Variants in TRIM36 observed in about 807,000 individuals in gnomAD.
The protein encoded by TRIM36 is E3 ubiquitin-protein ligase TRIM36.
TRIM36 carries 42 observed loss-of-function variants against 72.4 expected under a neutral mutation model. The observed-to-expected ratio is 0.58, with a 90% CI of 0.45 to 0.75. TRIM36 has a LOEUF of 0.75. Ranked by LOEUF, TRIM36 falls within the 30% of genes least tolerant of loss-of-function variation. The pLI is 0.00. For synonymous variants in TRIM36, 315 were observed against 282.8 expected (o/e 1.11, Z -1.14); for missense variants, 913 against 857.1 (o/e 1.07, Z -0.81).
At chr5:115,143,048 A>C (rs1490787403) in intron 4 of TRIM36, among the ~76,000 whole-genome samples, 5 of 152,064 alleles carry the variant, frequency 3.3e-5, no homozygotes, top group African/African-American at 4.8e-5. Flanking sequence ...TGTTGTAAAG[A>C]GAAAGAACTC....
upstream of TRIM36, among the ~76,000 whole-genome samples, chr5:115,170,269 T>C (rs919007636): frequency 6.6e-6 from 1 of 152,134 alleles, no homozygotes; most frequent in Non-Finnish European, 1.5e-5. Flanking sequence ...GAGGCTCCGC[T>C]GCAGCAGAGC....
Position 115,155,333 on chromosome 5 carries a change from G to C in TRIM36, c.263-7939C>G, listed in dbSNP as rs186359648. ...ACTGCACTTCAGCCTGGGCAACAAA[G>C]AGCGAAACTCCGTCTCAAAAATAAA... On this transcript the variant is annotated intron_variant, in intron 2 of 9. Transcript: ENST00000513154. Among the ~76,000 whole-genome samples, 1,261 of 152,270 alleles carry C rather than the reference G, an allele frequency of 8.3e-3. 10 individuals are homozygous for C. The highest frequency in any genetic ancestry group is 0.011 in the Non-Finnish European group (776 of 68,028).
At chr5:115,173,285 TTC>T (rs1405767187), upstream of TRIM36, among the ~76,000 whole-genome samples, 1 of 152,202 alleles carries the variant, frequency 6.6e-6, no homozygotes, top group East Asian at 1.9e-4. Flanking sequence ...TGTTACCAGA[TTC>T]TGTTCTTTCT....
chr5:115,158,370 C>A (rs1754297908), intron 2 of TRIM36, among the ~76,000 whole-genome samples: 1 of 152,048 alleles, frequency 6.6e-6, no homozygotes, highest in Admixed American at 6.6e-5. Flanking sequence ...ATAGCAAATC[C>A]CCTAAAAAAG....
intron 9 of TRIM36, among the ~76,000 whole-genome samples, chr5:115,129,588 T>C (rs1561417906): frequency 6.6e-6 from 1 of 152,130 alleles, no homozygotes; most frequent in East Asian, 1.9e-4. Context: ...AAAGATAAGA[T>C]GTATGCCCTA....
At chr5:115,177,717 T>G in intron 1 of TRIM36, 1 of 1,613,864 alleles carries the variant, frequency 6.2e-7, no homozygotes, top group Non-Finnish European at 8.5e-7. Flanking sequence ...ACTCTCCCCC[T>G]CCAACCCCCA....
upstream of TRIM36, among the ~76,000 whole-genome samples, chr5:115,172,492 T>G (rs1004894751): frequency 5.9e-5 from 9 of 152,160 alleles, no homozygotes; most frequent in Non-Finnish European, 1.0e-4. Flanking sequence ...TCCCAGCGCT[T>G]TGGGAGGCCG....
At position 115,153,352 on chromosome 5, in the gene TRIM36, A is replaced by AT. The variant is rs372641533; in HGVS notation, c.263-5959dup. ...AGGAAAATATCACAATCCTAAACAT[A>AT]TATATACCTAACACAGGGGCTCCCA... is the stretch of plus-strand genomic sequence containing the variant. On this transcript the variant is annotated intron_variant, in intron 2 of 9. Transcript: ENST00000513154. Among the ~76,000 whole-genome samples, 674 of 127,258 alleles carry AT rather than the reference A, an allele frequency of 5.3e-3. 2 individuals carry two copies. The highest frequency in any genetic ancestry group is 8.2e-3 in the Non-Finnish European group (472 of 57,566). 83.5% of individuals were successfully genotyped at this position (127,258 alleles called of 152,430 possible).
In TRIM36 at chr5:115,136,946, C is replaced by T. The variant is rs181438361; in HGVS notation, c.1210+54G>A. ...TTAAGAGAACTTGTGTTTTCTTCCA[C>T]ACAATACAAATTCAGACAAAAAGAA... is the stretch of plus-strand genomic sequence containing the variant. On this transcript the variant is annotated intron_variant, in intron 7 of 9. Transcript: ENST00000513154. The T allele has an allele frequency of 6.2e-3, 9,236 of 1,491,678 alleles. 30 individuals are homozygous for T. Among genetic ancestry groups the T allele is most frequent in the Non-Finnish European group, 7.4e-3 (8,266 of 1,118,610 alleles). 92.4% of individuals were successfully genotyped at this position (1,491,678 alleles called of 1,614,324 possible).
chr5:115,169,932 G>A, upstream of TRIM36: 3 of 1,257,142 alleles, frequency 2.4e-6, no homozygotes, highest in South Asian at 2.5e-5. Context: ...GCCGCGCAGA[G>A]ACCTGGGCGG....
chr5:115,136,862 T>C, intron 7 of TRIM36, 138 bp downstream of exon 7: 2 of 716,832 alleles, frequency 2.8e-6, no homozygotes, highest in Non-Finnish European at 2.0e-6. Flanking sequence ...AAATAGGATA[T>C]GATTTCAGGA....
At chr5:115,128,758 C>CAAAAAAAAAAAAAAAAAA (rs58384978) in intron 9 of TRIM36, among the ~76,000 whole-genome samples, 54 of 47,012 alleles carry the variant, frequency 1.1e-3, no homozygotes, top group Non-Finnish European at 1.8e-3. Flanking sequence ...GACTCCGTCT[C>CAAAAAAAAAAAAAAAAAA]AAAAAAAAAA....
chr5:115,126,353 C>T lies in TRIM36; in HGVS notation c.*150G>A. The T allele has an allele frequency of 1.6e-6, 1 of 618,620 alleles. No homozygotes were observed. The highest frequency in any genetic ancestry group is 2.8e-6 in the Non-Finnish European group (1 of 362,702). The allele number at this position is 618,620 out of a possible 1,614,324, so 38.3% of individuals were successfully genotyped here. ...AGAACAACGACATGAAGACACAAGG[C>T]TGTTTAGATTTTCTGTATTTCAAGA... is the stretch of plus-strand genomic sequence containing the variant. On this transcript the variant is annotated 3_prime_UTR_variant, in exon 10 of 10. Transcript: ENST00000513154.
chr5:115,171,132 T>A, upstream of TRIM36: 1 of 1,614,238 alleles, frequency 6.2e-7, no homozygotes, highest in Non-Finnish European at 8.5e-7. Context: ...CCACTTTTAT[T>A]TCCTGTTTGG....
chr5:115,143,891 G>A (rs1207091445), intron 4 of TRIM36, among the ~76,000 whole-genome samples: 1 of 152,002 alleles, frequency 6.6e-6, no homozygotes, highest in African/African-American at 2.4e-5. Context: ...TTGTTTTTGA[G>A]ACAGAGTCTC....
chr5:115,150,752 C>T lies in TRIM36; in HGVS notation c.263-3358G>A, dbSNP rs147725408. Among the ~76,000 whole-genome samples, 199 of 152,290 alleles carry T rather than the reference C, an allele frequency of 1.3e-3. 5 individuals are homozygous for T. In the South Asian group the frequency reaches 0.025, roughly 20 times the overall value. ...GGAACTGGGAAAGGGAGATTGTCTGCCCCTGAACACACCTCCACTGGGGAA... is the reference window on the plus strand; with the variant it reads ...GGAACTGGGAAAGGGAGATTGTCTGTCCCTGAACACACCTCCACTGGGGAA... On this transcript the variant is annotated intron_variant, in intron 2 of 9. Transcript: ENST00000513154.
intron 7 of TRIM36, among the ~76,000 whole-genome samples, chr5:115,134,687 C>T (rs1441062201): frequency 1.3e-5 from 2 of 151,918 alleles, no homozygotes; most frequent in African/African-American, 4.8e-5. Flanking sequence ...ATTACAGGTG[C>T]GTGCTACCAC....
At chr5:115,177,973 G>T (rs1755421330) in intron 1 of TRIM36, 1 of 1,205,600 alleles carries the variant, frequency 8.3e-7, no homozygotes, top group Non-Finnish European at 1.2e-6. Flanking sequence ...ATACTGTGAT[G>T]AACCCATTGG....
chr5:115,167,094 C>A (rs1188860181), intron 1 of TRIM36, among the ~76,000 whole-genome samples: 1 of 152,216 alleles, frequency 6.6e-6, no homozygotes, highest in African/African-American at 2.4e-5. Context: ...TGGGCCTGAG[C>A]AAAACTTGGG....
Sources: gnomAD v4.1 joint callset for allele counts (sites outside exome capture counted in the v4.1 genomes callset) on GRCh38, gnomAD v4.1.1 for gene constraint, MANE v1.5 for transcripts, NCBI Gene and HGNC (gene_info 2026-07-23, HGNC 2026-07-21) for gene names.